The following FGF5 variants were observed in gnomAD, a reference collection of about 807,000 sequenced individuals.
FGF5 encodes the protein fibroblast growth factor 5, also known as heparin-binding growth factor 5.
A neutral mutation model predicts 21.8 loss-of-function variants in FGF5; 23 were observed. That is an observed-to-expected ratio of 1.05 (90% confidence interval 0.76 to 1.49). The LOEUF (loss-of-function observed/expected upper bound fraction) is 1.49, where lower values mean the gene tolerates loss of function less well. FGF5 is among the 40% of genes most tolerant of loss of function. FGF5 has a pLI of 0.00. For missense variants in FGF5, 352 were observed against 332.9 expected (o/e 1.06, Z -0.45); for synonymous variants, 158 against 124.0 (o/e 1.27, Z -1.82).
At position 80,267,088 on chromosome 4, in the gene FGF5, C is replaced by G. The variant is rs754745407; in HGVS notation, c.264C>G (p.Thr88=). 1.9e-6 allele frequency: 3 copies of G among 1,614,086 alleles called. No individual in the cohort carries two copies. The highest frequency in any genetic ancestry group is 2.7e-5 in the African/African-American group (2 of 74,952). The stretch of plus-strand genomic sequence containing the variant: ...AGTGGAGCCCCTCGGGGCGCCGGAC[C>G]GGCAGCCTCTACTGCAGAGTGGGCA... The part of the protein sequence containing the change: ...SFQWSPSGRR[T]GSLYCRVGIG... Residue 88 remains threonine, a synonymous_variant, in exon 1 of 3, where the codon ACC becomes ACG. Coordinates refer to ENST00000312465, the MANE Select transcript of FGF5 (RefSeq NM_004464.4).
At position 80,266,723 on chromosome 4, in the gene FGF5, G is replaced by T. The variant is rs1720097807; in HGVS notation, c.-102G>T. ...TCTTCCCCGAGGCTATGTCCACCCG[G>T]TGCGGCGAGGCGGGCAGAGCCAGAG... On this transcript the variant is annotated 5_prime_UTR_variant, in exon 1 of 3. Coordinates refer to ENST00000312465, the MANE Select transcript of FGF5 (RefSeq NM_004464.4). The T allele has an allele frequency of 5.0e-6, 5 of 1,006,896 alleles. No individual in the cohort carries two copies. The highest frequency in any genetic ancestry group is 7.3e-6 in the Non-Finnish European group (5 of 685,190). The allele number at this position is 1,006,896 out of a possible 1,614,324, so 62.4% of individuals were successfully genotyped here.
In FGF5 at chr4:80,289,856, TA is replaced by T. The variant is rs756762806; in HGVS notation, c.*3189del. On this transcript the variant is annotated 3_prime_UTR_variant, in exon 3 of 3. Coordinates refer to ENST00000312465, the MANE Select transcript of FGF5 (RefSeq NM_004464.4). ...TATTTCCAAGTTTGTGTATATATTA[TA>T]AAAATTACATATATAAAACTAAGGC... 15 of 152,182 alleles carry T rather than the reference TA, an allele frequency of 9.9e-5. No individual in the cohort carries two copies. The highest frequency in any genetic ancestry group is 7.4e-5 in the Non-Finnish European group (5 of 68,014). 9.4% of individuals were successfully genotyped at this position (152,182 alleles called of 1,614,324 possible).
chr4:80,285,165 G>A (rs1255871828), intron 2 of FGF5, among the ~76,000 whole-genome samples: 1 of 151,982 alleles, frequency 6.6e-6, no homozygotes, highest in African/African-American at 2.4e-5. Flanking sequence ...TTGATTGCAT[G>A]TCTGACTCCA....
rs115970000 is a variant in FGF5, at chr4:80,271,106, T to C, written c.356-3803T>C. Among the ~76,000 whole-genome samples the C allele has an allele frequency of 6.0e-3, 913 of 152,328 alleles. 10 individuals carry two copies. Among genetic ancestry groups the C allele is most frequent in the Middle Eastern group, 0.014 (4 of 294 alleles). ...TTTTGTCTGGGGATTTTCAGATGCGTTGTTGAAAGCTTCTGAATACATGGA... is the reference window on the plus strand; with the variant it reads ...TTTTGTCTGGGGATTTTCAGATGCGCTGTTGAAAGCTTCTGAATACATGGA... On this transcript the variant is annotated intron_variant, in intron 1 of 2. Transcript: ENST00000312465.
At position 80,266,685 on chromosome 4, in the gene FGF5, C is replaced by T; in HGVS notation, c.-140C>T. 4.2e-6 allele frequency: 3 copies of T among 717,144 alleles called. No homozygotes were observed. The highest frequency in any genetic ancestry group is 1.9e-5 in the South Asian group (1 of 53,886). The allele number at this position is 717,144 out of a possible 1,614,324, so 44.4% of individuals were successfully genotyped here. On this transcript the variant is annotated 5_prime_UTR_variant, in exon 1 of 3. Coordinates refer to ENST00000312465, the MANE Select transcript of FGF5 (RefSeq NM_004464.4). ...ATCCGCTCGGGTGGCCTCTCTCTTCCCCTCTCCCCTTCTCTTCCCCGAGGC... is the reference window on the plus strand; with the variant it reads ...ATCCGCTCGGGTGGCCTCTCTCTTCTCCTCTCCCCTTCTCTTCCCCGAGGC...
rs978417061 is a variant in FGF5 at position 80,287,652 on chromosome 4, C to A, written c.*980C>A. The stretch of plus-strand genomic sequence containing the variant: ...AAGCATACACTATGAAATTCAAGTG[C>A]TTAAAAATACTTCTATGACTCTCTG... On this transcript the variant is annotated 3_prime_UTR_variant, in exon 3 of 3. Coordinates refer to ENST00000312465, the MANE Select transcript of FGF5 (RefSeq NM_004464.4). The A allele has an allele frequency of 6.6e-6, 1 of 152,154 alleles. No individual in the cohort carries two copies. The allele number at this position is 152,154 out of a possible 1,614,324, so 9.4% of individuals were successfully genotyped here.
intron 2 of FGF5, among the ~76,000 whole-genome samples, chr4:80,281,726 C>G (rs1720559527): frequency 6.6e-6 from 1 of 152,126 alleles, no homozygotes; most frequent in South Asian, 2.1e-4. Flanking sequence ...AACAAAACCA[C>G]AAGAAGGGAT....
chr4:80,286,905 C>A lies in FGF5; in HGVS notation c.*233C>A. Reference sequence around the variant, plus strand: ...TCCTTCAGTTCAGCAAGACATAAAGCCTTTTGCTTTATGCTTGAGGGATAT... The same window carrying A: ...TCCTTCAGTTCAGCAAGACATAAAGACTTTTGCTTTATGCTTGAGGGATAT... On this transcript the variant is annotated 3_prime_UTR_variant, in exon 3 of 3. Transcript: ENST00000312465. 2 of 442,312 alleles carry A rather than the reference C, an allele frequency of 4.5e-6. No individual in the cohort carries two copies. The highest frequency in any genetic ancestry group is 8.0e-6 in the Non-Finnish European group (2 of 248,502). The allele number at this position is 442,312 out of a possible 1,614,324, so 27.4% of individuals were successfully genotyped here.
intron 2 of FGF5, among the ~76,000 whole-genome samples, chr4:80,281,462 T>C (rs935459243): frequency 5.9e-5 from 9 of 152,214 alleles, no homozygotes; most frequent in East Asian, 1.9e-4. Context: ...TGGCTTTTTT[T>C]CCCTTAACTT....
chr4:80,282,813 C>G (rs1367430501), intron 2 of FGF5, among the ~76,000 whole-genome samples: 1 of 151,368 alleles, frequency 6.6e-6, no homozygotes, highest in Non-Finnish European at 1.5e-5. Context: ...TAATGGAGTT[C>G]TATCATTTTA....
intron 2 of FGF5, among the ~76,000 whole-genome samples, chr4:80,283,366 A>C (rs1478027182): frequency 6.6e-6 from 1 of 152,148 alleles, no homozygotes; most frequent in African/African-American, 2.4e-5. Flanking sequence ...CTTAAGAAAG[A>C]ACTTTAGAAT....
At chr4:80,273,337 T>C (rs1054176042) in intron 1 of FGF5, among the ~76,000 whole-genome samples, 1 of 152,158 alleles carries the variant, frequency 6.6e-6, no homozygotes, top group Admixed American at 6.5e-5. Context: ...AAATAAGCTG[T>C]TCAGTTATCC....
At position 80,288,836 on chromosome 4, in the gene FGF5, GTTTGA is replaced by G; in HGVS notation, c.*2172_*2176del. 6.6e-6 allele frequency: 1 copy of G among 152,498 alleles called. No individual in the cohort carries two copies. The highest frequency in any genetic ancestry group is 1.5e-5 in the Non-Finnish European group (1 of 68,018). The allele number at this position is 152,498 out of a possible 1,614,324, so 9.4% of individuals were successfully genotyped here. ...TGTAATAGTTTATCTTATACTCCTG[GTTTGA>G]TTTGATTAGCATATTAACGTGAAAG... On this transcript the variant is annotated 3_prime_UTR_variant, in exon 3 of 3. Coordinates refer to ENST00000312465, the MANE Select transcript of FGF5 (RefSeq NM_004464.4).
In FGF5 at chr4:80,286,688, T is replaced by C. The variant is rs755889709; in HGVS notation, c.*16T>C. On this transcript the variant is annotated 3_prime_UTR_variant, in exon 3 of 3. Coordinates refer to ENST00000312465, the MANE Select transcript of FGF5 (RefSeq NM_004464.4). ...CTTTGGATAATATTCCTCTTGGCCT[T>C]GTGAGAAACCATTCTTTCCCCTCAG... is the stretch of plus-strand genomic sequence containing the variant. The C allele has an allele frequency of 6.3e-6, 10 of 1,596,242 alleles. No individual in the cohort carries two copies. The Admixed American group carries it at 1.5e-4, about 24-fold the overall frequency.
rs1435999892 is a variant in FGF5, at chr4:80,272,569, A to G, written c.356-2340A>G. Among the ~76,000 whole-genome samples the G allele has an allele frequency of 2.6e-5, 4 of 152,152 alleles. No individual in the cohort carries two copies. The East Asian group carries it at 7.7e-4, about 29-fold the overall frequency. Reference sequence around the variant, plus strand: ...ATTTATAAAGCCTTTTTATCTCAACATCTTAAAAGTTAGCATATAAACACA... The same window carrying G: ...ATTTATAAAGCCTTTTTATCTCAACGTCTTAAAAGTTAGCATATAAACACA... On this transcript the variant is annotated intron_variant, in intron 1 of 2. Coordinates refer to ENST00000312465, the MANE Select transcript of FGF5 (RefSeq NM_004464.4).
intron 2 of FGF5, 61 bp from the exon 3 acceptor site, chr4:80,286,264 T>G: frequency 8.5e-7 from 1 of 1,180,344 alleles, no homozygotes; most frequent in Non-Finnish European, 1.2e-6. Context: ...ATACCTTATG[T>G]TTTATTACAT....
intron 1 of FGF5, 143 bp from the exon 2 acceptor site, chr4:80,274,766 C>A: frequency 2.0e-6 from 1 of 511,680 alleles, no homozygotes; most frequent in Non-Finnish European, 3.4e-6. Flanking sequence ...TAGTGAATGT[C>A]ATGAACAATA....
At chr4:80,272,763 A>G (rs1173787996) in intron 1 of FGF5, among the ~76,000 whole-genome samples, 1 of 152,146 alleles carries the variant, frequency 6.6e-6, no homozygotes, top group Non-Finnish European at 1.5e-5. Flanking sequence ...TCTCTCCTGT[A>G]TCAACTCCAT....
Position 80,283,321 on chromosome 4 carries a change from T to C in FGF5, c.460-3004T>C, listed in dbSNP as rs34113064. On this transcript the variant is annotated intron_variant, in intron 2 of 2. Transcript: ENST00000312465. Reference sequence around the variant, plus strand: ...ACAGTTAGGTGACCTTTGAAAAATCTGAAGTCCAAATAGCCATCTCCATAA... The same window carrying C: ...ACAGTTAGGTGACCTTTGAAAAATCCGAAGTCCAAATAGCCATCTCCATAA... 1.1e-3 allele frequency among the ~76,000 whole-genome samples: 161 copies of C among 152,264 alleles called. 2 individuals carry two copies. The South Asian group carries it at 0.019, about 18-fold the overall frequency.
Sources: allele counts gnomAD v4.1 joint callset (sites outside exome capture counted in the v4.1 genomes callset), GRCh38; gene constraint gnomAD v4.1.1; transcripts MANE v1.5; gene names NCBI Gene and HGNC (gene_info 2026-07-23, HGNC 2026-07-21).